Variants in VPS35L observed in about 807,000 individuals in gnomAD.
VPS35L encodes the protein VPS35 endosomal protein-sorting factor-like.
VPS35L carries 83 observed loss-of-function variants against 133.0 expected under a neutral mutation model. The ratio of observed to expected loss-of-function variants is 0.62; its 90% CI spans 0.52 to 0.75. VPS35L has a LOEUF of 0.75. VPS35L is among the 30% of genes least tolerant of loss of function. VPS35L has a pLI of 0.00. For synonymous variants in VPS35L, 423 were observed against 449.9 expected (o/e 0.94, Z 0.76); for missense variants, 1,083 against 1,206.8 (o/e 0.90, Z 1.52).
intron 27 of VPS35L, among the ~76,000 whole-genome samples, chr16:19,676,659 T>C (rs1975072343): frequency 6.6e-6 from 1 of 152,154 alleles, no homozygotes; most frequent in African/African-American, 2.4e-5. Context: ...ATGTCTTTTC[T>C]CCTACTTATC....
intron 26 of VPS35L, among the ~76,000 whole-genome samples, chr16:19,657,411 A>G (rs9930800): frequency 0.48 from 73,446 of 152,030 alleles, 20,172 homozygotes; most frequent in African/African-American, 0.76. Flanking sequence ...TAGAAAAACC[A>G]TCCTTGGCCT....
chr16:19,657,580 A>G (rs765240909), intron 26 of VPS35L, among the ~76,000 whole-genome samples: 2 of 152,120 alleles, frequency 1.3e-5, no homozygotes, highest in African/African-American at 4.8e-5. Context: ...CATCACCTCC[A>G]TGAGGTCCTG....
At position 19,682,368 on chromosome 16, in the gene VPS35L, G is replaced by A. The variant is rs138056348; in HGVS notation, c.2505G>A (p.Thr835=). 3.6e-4 allele frequency: 578 copies of A among 1,614,142 alleles called. 3 individuals carry two copies. The South Asian group carries it at 5.3e-3, about 15-fold the overall frequency. The change falls in exon 28 of 31, where the codon ACG becomes ACA. Residue 835 remains threonine (T), a synonymous_variant. Coordinates refer to ENST00000417362, the MANE Select transcript of VPS35L (RefSeq NM_020314.7). ...LHLLSAMSQE[T]YLYHIDKVDS... ...TCCTCTCCGCCATGAGCCAGGAGAC[G>A]TACCTTTACCACATAGACAAAGGTA... is the stretch of plus-strand genomic sequence containing the variant.
intron 7 of VPS35L, among the ~76,000 whole-genome samples, chr16:19,591,409 T>C (rs1379436861): frequency 6.6e-6 from 1 of 152,082 alleles, no homozygotes; most frequent in African/African-American, 2.4e-5. Context: ...AAGGTGATAG[T>C]GTATTTTCTT....
chr16:19,577,122 A>G (rs1316431860), intron 5 of VPS35L, among the ~76,000 whole-genome samples: 2 of 152,218 alleles, frequency 1.3e-5, no homozygotes, highest in Admixed American at 1.3e-4. Flanking sequence ...GGTACTATAA[A>G]GGAATACCAG....
intron 27 of VPS35L, among the ~76,000 whole-genome samples, chr16:19,681,880 C>CTT (rs5816064): frequency 1.8e-4 from 27 of 151,532 alleles, no homozygotes; most frequent in Non-Finnish European, 3.7e-4. Context: ...ACAGGGCTTC[C>CTT]TTTTTTTTTA....
chr16:19,564,863 T>A lies in VPS35L; in HGVS notation c.30T>A (p.Asn10Lys), dbSNP rs753813652. 6.2e-7 allele frequency: 1 copy of A among 1,613,320 alleles called. No homozygotes were observed. Among genetic ancestry groups the A allele is most frequent in the South Asian group, 1.1e-5 (1 of 91,048 alleles). ...CGCTGTTTACCAGGCACTCCAGGAA[T>A]AGGAACTACAAAGCTGAATTTGCAT... is the stretch of plus-strand genomic sequence containing the variant. MAVFPWHSR[N>K]RNYKAEFASC... is the part of the protein sequence containing the mutation. The change falls in exon 2 of 31, where the codon AAT (asparagine) becomes AAA (lysine). Residue 10 changes from asparagine (N) to lysine (K), a missense_variant. By Grantham distance (94) the Asn-to-Lys change is moderately conservative (BLOSUM62 0). Coordinates refer to ENST00000417362, the MANE Select transcript of VPS35L (RefSeq NM_020314.7).
intron 28 of VPS35L, among the ~76,000 whole-genome samples, chr16:19,686,771 A>T (rs1043793697): frequency 3.9e-5 from 6 of 152,112 alleles, no homozygotes; most frequent in Non-Finnish European, 8.8e-5. Context: ...GTCAGCATGG[A>T]AAATAAATTC....
chr16:19,650,269 A>G, intron 24 of VPS35L, 113 bp from the exon 25 acceptor site: 1 of 875,812 alleles, frequency 1.1e-6, no homozygotes. Context: ...TCTTGGTCCT[A>G]GAAAGCTTGT....
chr16:19,666,992 C>CTTT (rs903618624), intron 26 of VPS35L, among the ~76,000 whole-genome samples: 1 of 146,498 alleles, frequency 6.8e-6, no homozygotes, highest in African/African-American at 2.5e-5. Flanking sequence ...TTCTTTCTTT[C>CTTT]TTTTTTTTTG....
At chr16:19,590,985 T>TA (rs1168922105) in intron 7 of VPS35L, among the ~76,000 whole-genome samples, 1 of 152,034 alleles carries the variant, frequency 6.6e-6, no homozygotes, top group East Asian at 1.9e-4. Context: ...TTAAAAAAAT[T>TA]AAATAGTCCT....
At position 19,569,552 on chromosome 16, in the gene VPS35L, T is replaced by G; in HGVS notation, c.246T>G (p.Phe82Leu). Reference protein sequence around the residue: ...VLDGTDPLSMFAATADPAALA... With the variant: ...VLDGTDPLSMLAATADPAALA... ...ATGGGACTGACCCCCTCTCCATGTT[T>G]GCAGCCACTGCTGACCCCGCAGCCT... Residue 82 changes from phenylalanine (F) to leucine (L), a missense_variant, in exon 3 of 31, where the codon TTT becomes TTG. Physicochemically the swap from Phe to Leu is conservative, Grantham distance 22. Transcript: ENST00000417362. The G allele has an allele frequency of 1.3e-6, 2 of 1,589,122 alleles. No homozygotes were observed. The highest frequency in any genetic ancestry group is 1.7e-6 in the Non-Finnish European group (2 of 1,168,230).
intron 28 of VPS35L, among the ~76,000 whole-genome samples, chr16:19,689,444 G>A (rs1014600745): frequency 6.6e-6 from 1 of 151,692 alleles, no homozygotes. Context: ...CTGATTTTTT[G>A]TATTTTTGGT....
chr16:19,585,636 T>G (rs1160472398), intron 7 of VPS35L, among the ~76,000 whole-genome samples: 3 of 151,976 alleles, frequency 2.0e-5, no homozygotes. Context: ...AACTCCTGGC[T>G]TCAAGTGATC....
At chr16:19,673,568 T>TTTGCG (rs112505007) in intron 27 of VPS35L, among the ~76,000 whole-genome samples, 3 of 95,300 alleles carry the variant, frequency 3.1e-5, no homozygotes, top group Non-Finnish European at 5.6e-5. Context: ...CTTGAACAGA[T>TTTGCG]TTATTATTCC....
chr16:19,566,448 A>G (rs189906794), intron 2 of VPS35L, among the ~76,000 whole-genome samples: 2 of 152,316 alleles, frequency 1.3e-5, no homozygotes, highest in Non-Finnish European at 2.9e-5. Flanking sequence ...GTGAGCTAAG[A>G]TCACGCCACT....
rs543743494 is a variant in VPS35L at position 19,557,740 on chromosome 16, C to T, written c.17+1994C>T. Among the ~76,000 whole-genome samples the T allele has an allele frequency of 2.4e-3, 371 of 151,936 alleles. 2 individuals are homozygous for T. Among genetic ancestry groups the T allele is most frequent in the African/African-American group, 7.5e-3 (309 of 41,474 alleles). ...TTCATCTTTCAGTTTCCCTAATAGA[C>T]TTCTTGCTCCTTAAAAGTTAAAAGG... is the stretch of plus-strand genomic sequence containing the variant. On this transcript the variant is annotated intron_variant, in intron 1 of 30. Transcript: ENST00000417362.
chr16:19,579,026 G>GA (rs1567395992), intron 5 of VPS35L, 26 bp from the exon 6 acceptor site: 1 of 1,611,414 alleles, frequency 6.2e-7, no homozygotes, highest in East Asian at 2.2e-5. Context: ...AAAGCCACCT[G>GA]TGTGACGTAA....
chr16:19,689,027 C>G (rs575016590), intron 28 of VPS35L, among the ~76,000 whole-genome samples: 2 of 151,334 alleles, frequency 1.3e-5, no homozygotes, highest in South Asian at 4.2e-4. Flanking sequence ...CGCCCCCTTA[C>G]CCGGTGTCTC....
Sources: gnomAD v4.1 joint callset for allele counts (sites outside exome capture counted in the v4.1 genomes callset) on GRCh38, gnomAD v4.1.1 for gene constraint, MANE v1.5 for transcripts, NCBI Gene and HGNC (gene_info 2026-07-23, HGNC 2026-07-21) for gene names.